The following LRRC7 variants were observed in gnomAD, a reference collection of about 807,000 sequenced individuals.
LRRC7 encodes leucine rich repeat containing 7.
LRRC7 carries 23 observed loss-of-function variants against 175.7 expected under a neutral mutation model. The observed-to-expected ratio is 0.13, with a 90% CI of 0.09 to 0.19. The LOEUF (loss-of-function observed/expected upper bound fraction) is 0.19, where lower values mean the gene tolerates loss of function less well. Ranked by LOEUF, LRRC7 falls within the 10% of genes least tolerant of loss-of-function variation. The probability of loss-of-function intolerance (pLI) is 1.00; values close to 1 mark genes in which losing one functional copy is unlikely to be tolerated. For missense variants in LRRC7, 1,354 were observed against 1,904.7 expected, an observed-to-expected ratio of 0.71 and a Z score of 5.38; for synonymous variants, 685 against 680.9, an observed-to-expected ratio of 1.01 and a Z score of -0.09.
chr1:69,763,155 T>C (rs969978128), intron 3 of LRRC7, among the ~76,000 whole-genome samples: 1 of 152,000 alleles, frequency 6.6e-6, no homozygotes, highest in African/African-American at 2.4e-5. Context: ...GAAAACCCAA[T>C]ACAAACTGAC....
At chr1:69,962,853 C>T (rs1198681863) in intron 8 of LRRC7, among the ~76,000 whole-genome samples, 1 of 151,878 alleles carries the variant, frequency 6.6e-6, no homozygotes, top group East Asian at 2.0e-4. Flanking sequence ...GGGAGAGAAT[C>T]AGGAAAAACG....
At chr1:69,782,986 T>G (rs544182760) in intron 3 of LRRC7, among the ~76,000 whole-genome samples, 1 of 152,216 alleles carries the variant, frequency 6.6e-6, no homozygotes. Context: ...ATCCAAACAC[T>G]TCCTACAGGA....
intron 14 of LRRC7, 59 bp from the exon 15 acceptor site, chr1:70,018,660 T>C: frequency 9.4e-6 from 11 of 1,166,850 alleles, no homozygotes; most frequent in Non-Finnish European, 1.4e-5. Flanking sequence ...GAGACCAGAC[T>C]ATTGACTGTT....
intron 1 of LRRC7, among the ~76,000 whole-genome samples, chr1:69,634,983 T>G (rs1410574027): frequency 2.0e-5 from 3 of 152,136 alleles, no homozygotes; most frequent in Admixed American, 1.3e-4. Context: ...ATGTGCAGGT[T>G]TGTTACATAG....
At chr1:69,775,477 T>G (rs932628388) in intron 3 of LRRC7, among the ~76,000 whole-genome samples, 1 of 152,196 alleles carries the variant, frequency 6.6e-6, no homozygotes. Context: ...AGAACCACTT[T>G]GAGATCCAAT....
intron 11 of LRRC7, among the ~76,000 whole-genome samples, chr1:69,998,321 G>T (rs913252336): frequency 6.6e-6 from 1 of 152,066 alleles, no homozygotes; most frequent in African/African-American, 2.4e-5. Context: ...TCAGCATATA[G>T]CCCCTCATCT....
intron 2 of LRRC7, among the ~76,000 whole-genome samples, chr1:69,719,201 C>T (rs552198370): frequency 6.6e-6 from 1 of 151,650 alleles, no homozygotes; most frequent in Non-Finnish European, 1.5e-5. Flanking sequence ...ATCTAATAAT[C>T]GCAAAAGTAA....
At chr1:70,041,587 GA>G in intron 21 of LRRC7, among the ~76,000 whole-genome samples, 1 of 152,326 alleles carries the variant, frequency 6.6e-6, no homozygotes, top group Non-Finnish European at 1.5e-5. Context: ...TACAGTTTGG[GA>G]ACTCTGGCCT....
At chr1:69,673,450 T>A (rs1377448993) in intron 1 of LRRC7, among the ~76,000 whole-genome samples, 1 of 152,248 alleles carries the variant, frequency 6.6e-6, no homozygotes, top group South Asian at 2.1e-4. Context: ...GGTCATTACA[T>A]TTAATCTCTC....
intron 2 of LRRC7, among the ~76,000 whole-genome samples, chr1:69,687,696 C>T (rs943027210): frequency 6.7e-6 from 1 of 150,106 alleles, no homozygotes; most frequent in Admixed American, 6.6e-5. Context: ...CAGAAATTCA[C>T]TGAAGGGTTT....
intron 7 of LRRC7, among the ~76,000 whole-genome samples, chr1:69,870,285 G>A (rs1685391673): frequency 6.6e-6 from 1 of 152,108 alleles, no homozygotes; most frequent in African/African-American, 2.4e-5. Context: ...GTGTGGAAGA[G>A]GAGGTAGCAG....
chr1:70,088,266 T>C (rs1254410946), intron 24 of LRRC7, among the ~76,000 whole-genome samples: 4 of 152,118 alleles, frequency 2.6e-5, no homozygotes, highest in Non-Finnish European at 4.4e-5. Context: ...TACTTAAAAG[T>C]TGTAAAAGAG....
chr1:69,775,819 A>C (rs1211270374), intron 3 of LRRC7, among the ~76,000 whole-genome samples: 1 of 152,196 alleles, frequency 6.6e-6, no homozygotes, highest in Non-Finnish European at 1.5e-5. Context: ...CTGTTGTTAG[A>C]GATACTGTGG....
intron 3 of LRRC7, among the ~76,000 whole-genome samples, chr1:69,778,741 G>A (rs1673107505): frequency 6.6e-6 from 1 of 152,076 alleles, no homozygotes; most frequent in Non-Finnish European, 1.5e-5. Flanking sequence ...AGCACTACCA[G>A]TGGAGAAAAT....
intron 1 of LRRC7, among the ~76,000 whole-genome samples, chr1:69,618,591 A>C (rs1393107139): frequency 2.0e-5 from 3 of 152,164 alleles, no homozygotes; most frequent in African/African-American, 7.2e-5. Context: ...AGAAGCCTAC[A>C]AGTAGTTGGT....
intron 1 of LRRC7, among the ~76,000 whole-genome samples, chr1:69,576,747 C>T (rs1645966529): frequency 1.3e-5 from 2 of 152,132 alleles, no homozygotes; most frequent in South Asian, 4.1e-4. Flanking sequence ...TTCATGCCAG[C>T]TTTCAGTGTA....
Sources: allele counts gnomAD v4.1 joint callset (sites outside exome capture counted in the v4.1 genomes callset), GRCh38; gene constraint gnomAD v4.1.1; transcripts MANE v1.5; gene names NCBI Gene and HGNC (gene_info 2026-07-23, HGNC 2026-07-21).